Variants in ANXA10 observed in about 807,000 individuals in gnomAD.
The protein encoded by ANXA10 is annexin A10, also known as annexin 14.
A neutral mutation model predicts 53.5 loss-of-function variants in ANXA10; 49 were observed. The ratio of observed to expected loss-of-function variants is 0.92; its 90% CI spans 0.73 to 1.16. ANXA10 has a LOEUF of 1.16. ANXA10 is among the 50% of genes most tolerant of loss of function. ANXA10 has a pLI of 0.00. For missense variants in ANXA10, 393 were observed against 394.4 expected, an observed-to-expected ratio of 1.00 and a Z score of 0.03; for synonymous variants, 131 against 128.9, an observed-to-expected ratio of 1.02 and a Z score of -0.11.
At chr4:168,120,541 T>C (rs1730967922) in intron 1 of ANXA10, among the ~76,000 whole-genome samples, 1 of 145,264 alleles carries the variant, frequency 6.9e-6, no homozygotes, top group African/African-American at 2.8e-5. Flanking sequence ...TGGACAATTG[T>C]GGTCATTATG....
intron 3 of ANXA10, among the ~76,000 whole-genome samples, chr4:168,156,293 T>TATAATGTATATATTATATATAATAGTA (rs1329459997): frequency 2.0e-5 from 1 of 50,506 alleles, no homozygotes; most frequent in African/African-American, 7.4e-5. Context: ...ATATATTATA[T>TATAATGTATATATTATATATAATAGTA]TATATTATAT....
At chr4:168,154,560 A>G (rs962382006) in intron 3 of ANXA10, among the ~76,000 whole-genome samples, 30 of 152,144 alleles carry the variant, frequency 2.0e-4, no homozygotes, top group African/African-American at 7.0e-4. Flanking sequence ...GATCATTTTA[A>G]TTTTTCTACC....
intron 1 of ANXA10, among the ~76,000 whole-genome samples, chr4:168,098,683 T>C (rs974438734): frequency 1.3e-5 from 2 of 152,146 alleles, no homozygotes; most frequent in African/African-American, 4.8e-5. Context: ...GGGGCCTATT[T>C]TTCCTTGCCA....
chr4:168,158,227 T>C (rs748835802), intron 3 of ANXA10, among the ~76,000 whole-genome samples: 1 of 152,202 alleles, frequency 6.6e-6, no homozygotes, highest in African/African-American at 2.4e-5. Context: ...CACAGGCTTA[T>C]TCCCAGTTTG....
chr4:168,141,682 A>T (rs892447526), intron 3 of ANXA10, among the ~76,000 whole-genome samples: 1 of 152,118 alleles, frequency 6.6e-6, no homozygotes, highest in African/African-American at 2.4e-5. Context: ...CAGAGAGTTT[A>T]TTTAAAGAGA....
At chr4:168,139,095 C>T (rs371368598) in intron 2 of ANXA10, among the ~76,000 whole-genome samples, 25 of 152,054 alleles carry the variant, frequency 1.6e-4, no homozygotes, top group East Asian at 5.8e-4. Context: ...TTATTTTTTT[C>T]TCTTGCCTGA....
intron 1 of ANXA10, 118 bp downstream of exon 1, chr4:168,092,836 C>T (rs1730481204): frequency 1.1e-6 from 1 of 901,220 alleles, no homozygotes. Context: ...TGTTTTTATT[C>T]TTACTACTTT....
At chr4:168,136,240 C>T (rs939980764) in intron 2 of ANXA10, among the ~76,000 whole-genome samples, 1 of 152,060 alleles carries the variant, frequency 6.6e-6, no homozygotes, top group Non-Finnish European at 1.5e-5. Context: ...CTGCCCCTGT[C>T]CCCCCACAAA....
rs1234700463 is a variant in ANXA10, at chr4:168,187,515, C to T, written c.*81C>T. 1.2e-6 allele frequency: 1 copy of T among 849,494 alleles called. No homozygotes were observed. The highest frequency in any genetic ancestry group is 1.8e-6 in the Non-Finnish European group (1 of 567,642). 52.6% of individuals were successfully genotyped at this position (849,494 alleles called of 1,614,324 possible). A position where few individuals can be genotyped will look rare whatever the true frequency, so the allele number is the denominator to read the frequency against. On this transcript the variant is annotated 3_prime_UTR_variant, in exon 12 of 12. Transcript: ENST00000359299. ...GATTTTCTCACAAATTTGTACTGTT[C>T]ATGGCACTATTAACAAAACTATACA...
At chr4:168,170,785 CTTAA>C (rs1178975899) in intron 6 of ANXA10, among the ~76,000 whole-genome samples, 1 of 151,930 alleles carries the variant, frequency 6.6e-6, no homozygotes, top group Non-Finnish European at 1.5e-5. Context: ...GTACATTTTC[CTTAA>C]AATATAAAAT....
chr4:168,156,725 G>C (rs866514674), intron 3 of ANXA10, among the ~76,000 whole-genome samples: 2 of 151,524 alleles, frequency 1.3e-5, no homozygotes, highest in Non-Finnish European at 2.9e-5. Context: ...GTATGGTCTC[G>C]ATCTCCTGAC....
At chr4:168,156,108 T>TTTATTATATATAAA (rs1463383929) in intron 3 of ANXA10, among the ~76,000 whole-genome samples, 489 of 41,306 alleles carry the variant, frequency 0.012, 12 homozygotes, top group African/African-American at 0.054. Flanking sequence ...TATATAAATA[T>TTTATTATATATAAA]TATATTTATT....
intron 3 of ANXA10, among the ~76,000 whole-genome samples, chr4:168,156,144 A>ATTT (rs1560784354): frequency 6.6e-4 from 15 of 22,746 alleles, no homozygotes; most frequent in African/African-American, 3.0e-3. Context: ...TATATATAAA[A>ATTT]ATAATATATA....
chr4:168,125,643 A>T (rs1023656813), intron 1 of ANXA10, among the ~76,000 whole-genome samples: 1 of 152,076 alleles, frequency 6.6e-6, no homozygotes, highest in Non-Finnish European at 1.5e-5. Flanking sequence ...AGTAAAAATA[A>T]TTTTTTCAAC....
intron 10 of ANXA10, among the ~76,000 whole-genome samples, chr4:168,182,318 A>T (rs1244099396): frequency 3.2e-4 from 16 of 49,752 alleles, no homozygotes; most frequent in East Asian, 5.3e-4. Context: ...TGGAGCATTA[A>T]TTTTTTTTTT....
At chr4:168,181,397 A>G (rs1732241530) in intron 9 of ANXA10, among the ~76,000 whole-genome samples, 1 of 151,856 alleles carries the variant, frequency 6.6e-6, no homozygotes. Flanking sequence ...TCTCAAAAAA[A>G]AAAAAAAAAA....
chr4:168,153,462 A>AAAAAAC, intron 3 of ANXA10, among the ~76,000 whole-genome samples: 1 of 107,472 alleles, frequency 9.3e-6, no homozygotes, highest in Non-Finnish European at 2.1e-5. Context: ...AACAAAACAA[A>AAAAAAC]AAAAAAAACC....
At chr4:168,155,794 A>ATATTATATATCATATATGATATATG (rs1560783750) in intron 3 of ANXA10, among the ~76,000 whole-genome samples, 1 of 25,054 alleles carries the variant, frequency 4.0e-5, no homozygotes, top group African/African-American at 1.8e-4. Context: ...TATTATATAT[A>ATATTATATATCATATATGATATATG]ATATATAATA....
chr4:168,157,179 C>T (rs778162045), intron 3 of ANXA10, among the ~76,000 whole-genome samples: 1 of 152,050 alleles, frequency 6.6e-6, no homozygotes, highest in African/African-American at 2.4e-5. Context: ...TAAAAATTCA[C>T]AATATTGAGT....
Sources: allele counts gnomAD v4.1 joint callset (sites outside exome capture counted in the v4.1 genomes callset), GRCh38; gene constraint gnomAD v4.1.1; transcripts MANE v1.5; gene names NCBI Gene and HGNC (gene_info 2026-07-23, HGNC 2026-07-21).